Variants in COQ8A observed in about 807,000 individuals in gnomAD.
COQ8A encodes the protein atypical kinase COQ8A, mitochondrial.
A neutral mutation model predicts 65.0 loss-of-function variants in COQ8A; 51 were observed. The observed-to-expected ratio is 0.78, with a 90% CI of 0.63 to 0.99. The LOEUF is 0.99. COQ8A is among the 50% of genes least tolerant of loss of function. COQ8A has a pLI of 0.00. For missense variants in COQ8A, 940 were observed against 875.0 expected (o/e 1.07, Z -0.94); for synonymous variants, 371 against 353.2 (o/e 1.05, Z -0.57).
At position 226,986,538 on chromosome 1, in the gene COQ8A, GCAC is replaced by G. The variant is rs387906299; in HGVS notation, c.1750_1752del (p.Thr584del). The G allele has an allele frequency of 7.9e-5, 127 of 1,605,520 alleles. No individual in the cohort carries two copies. Among genetic ancestry groups the G allele is most frequent in the Non-Finnish European group, 3.2e-5 (38 of 1,176,768 alleles). On this transcript the variant is annotated inframe_deletion, in exon 15 of 15. Coordinates refer to ENST00000366777, the MANE Select transcript of COQ8A (RefSeq NM_020247.5). The stretch of plus-strand genomic sequence containing the variant: ...GAGCCTTTTGATTTTGGCACTCAGA[GCAC>G]CACCGAGAAGATCCACAACCTGATT...
intron 1 of COQ8A, among the ~76,000 whole-genome samples, chr1:226,944,929 C>CAGG (rs1230787696): frequency 2.0e-5 from 3 of 152,138 alleles, no homozygotes; most frequent in African/African-American, 7.2e-5. Context: ...TCCTGAGAGA[C>CAGG]AGAGAGGCTG....
intron 4 of COQ8A, among the ~76,000 whole-genome samples, chr1:226,969,457 C>T (rs1004474787): frequency 4.6e-5 from 7 of 152,172 alleles, no homozygotes; most frequent in African/African-American, 1.7e-4. Flanking sequence ...TGATAAGTCT[C>T]GATCTCCTGA....
At chr1:226,958,665 G>A (rs559240162) in intron 1 of COQ8A, among the ~76,000 whole-genome samples, 1 of 152,294 alleles carries the variant, frequency 6.6e-6, no homozygotes, top group East Asian at 1.9e-4. Flanking sequence ...CCTGGCTAGT[G>A]GACACTCCCA....
chr1:226,958,554 CAGGTT>C (rs1657950753), intron 1 of COQ8A, among the ~76,000 whole-genome samples: 6 of 152,188 alleles, frequency 3.9e-5, no homozygotes, highest in Admixed American at 3.9e-4. Flanking sequence ...TGGGCCAGGG[CAGGTT>C]CATCGGGGCC....
chr1:226,968,541 TCTC>T (rs567053805), intron 4 of COQ8A, among the ~76,000 whole-genome samples: 60 of 152,292 alleles, frequency 3.9e-4, no homozygotes, highest in African/African-American at 1.4e-3. Flanking sequence ...TGCGCTTTGT[TCTC>T]CTAGAAAATA....
rs144147839 is a variant in COQ8A at position 226,984,123 on chromosome 1, A to G, written c.1286A>G (p.Tyr429Cys). ...RDLLKGHPFF[Y>C]VPEIVDELCS... The stretch of plus-strand genomic sequence containing the variant: ...CTGCTGAAGGGCCACCCCTTCTTCT[A>G]TGTGCCTGAGATTGTGGATGAGCTC... The change falls in exon 11 of 15, where the codon TAT becomes TGT. Residue 429 changes from tyrosine to cysteine, a missense_variant. Tyr to Cys is a radical substitution (Grantham distance 194, BLOSUM62 -2). Coordinates refer to ENST00000366777, the MANE Select transcript of COQ8A (RefSeq NM_020247.5). 416 of 1,613,492 alleles carry G rather than the reference A, an allele frequency of 2.6e-4. 1 individual carries two copies. Among genetic ancestry groups the G allele is most frequent in the Middle Eastern group, 3.3e-4 (2 of 6,084 alleles).
At chr1:226,976,830 C>T (rs897145292) in intron 4 of COQ8A, among the ~76,000 whole-genome samples, 2 of 152,188 alleles carry the variant, frequency 1.3e-5, no homozygotes, top group Non-Finnish European at 2.9e-5. Flanking sequence ...TTTGCCAGCC[C>T]CGCAGAAAGG....
intron 1 of COQ8A, among the ~76,000 whole-genome samples, chr1:226,960,097 T>C (rs1172077526): frequency 6.9e-6 from 1 of 144,772 alleles, no homozygotes; most frequent in Non-Finnish European, 1.5e-5. Flanking sequence ...GTGGTGGTGA[T>C]GGTACTTGGT....
Position 226,965,218 on chromosome 1 carries a change from C to G in COQ8A, c.396C>G (p.Gly132=), listed in dbSNP as rs1658488457. ...SGPFREAGFP[G]QASSPLGRAN... Reference sequence around the variant, plus strand: ...CCTTTAGAGAAGCCGGGTTCCCCGGCCAGGCCTCCTCCCCTCTGGGCAGGG... The same window carrying G: ...CCTTTAGAGAAGCCGGGTTCCCCGGGCAGGCCTCCTCCCCTCTGGGCAGGG... The change falls in exon 3 of 15, where the codon GGC becomes GGG. Residue 132 remains glycine (G), a synonymous_variant. Coordinates refer to ENST00000366777, the MANE Select transcript of COQ8A (RefSeq NM_020247.5). 1.9e-6 allele frequency: 3 copies of G among 1,613,768 alleles called. No individual in the cohort carries two copies. The highest frequency in any genetic ancestry group is 1.7e-6 in the Non-Finnish European group (2 of 1,180,010).
At chr1:226,943,525 T>C (rs1346517121) in intron 1 of COQ8A, among the ~76,000 whole-genome samples, 1 of 152,288 alleles carries the variant, frequency 6.6e-6, no homozygotes, top group Middle Eastern at 3.4e-3. Flanking sequence ...ACTGAAGGCA[T>C]GGATTCAAAG....
chr1:226,940,999 G>C (rs1291286200), intron 1 of COQ8A, among the ~76,000 whole-genome samples: 2 of 152,120 alleles, frequency 1.3e-5, no homozygotes, highest in Non-Finnish European at 2.9e-5. Flanking sequence ...TCCAAACTCT[G>C]GGGGGTCTTG....
chr1:226,957,002 A>C (rs1329387513), intron 1 of COQ8A, among the ~76,000 whole-genome samples: 1 of 106,194 alleles, frequency 9.4e-6, no homozygotes, highest in Non-Finnish European at 1.9e-5. Flanking sequence ...TCCCTGGTTC[A>C]CACTCTCCCT....
At chr1:226,967,749 A>G (rs1030220558) in intron 4 of COQ8A, among the ~76,000 whole-genome samples, 20 of 152,116 alleles carry the variant, frequency 1.3e-4, no homozygotes, top group African/African-American at 3.4e-4. Context: ...TAGCATCAGA[A>G]GCCTCTGGAG....
rs1342702764 is a variant in COQ8A, at chr1:226,946,526, G to T, written c.-10+6127G>T. ...TGCTGGCCAGGCCAGACCAGGGAGAGTGGAGATCAGCAAGGAGATGGCCAC... is the reference window on the plus strand; with the variant it reads ...TGCTGGCCAGGCCAGACCAGGGAGATTGGAGATCAGCAAGGAGATGGCCAC... On this transcript the variant is annotated intron_variant, in intron 1 of 14. Transcript: ENST00000366777. This position sits in a 1 kb window ranked among gnomAD's most constrained non-coding sequence, Gnocchi z 5.3. Among the ~76,000 whole-genome samples, 3 of 152,166 alleles carry T rather than the reference G, an allele frequency of 2.0e-5. No individual in the cohort carries two copies. The highest frequency in any genetic ancestry group is 4.4e-5 in the Non-Finnish European group (3 of 68,014).
chr1:226,983,924 G>C, intron 10 of COQ8A, 70 bp downstream of exon 10: 1 of 1,569,336 alleles, frequency 6.4e-7, no homozygotes, highest in Non-Finnish European at 8.6e-7. Flanking sequence ...TCAGCAGCTG[G>C]TGAAGGCCCC....
intron 4 of COQ8A, among the ~76,000 whole-genome samples, chr1:226,966,512 G>C (rs1214529928): frequency 6.6e-6 from 1 of 152,202 alleles, no homozygotes; most frequent in Non-Finnish European, 1.5e-5. Context: ...ACACTCAGCT[G>C]TCCTCAGTAG....
rs532445312 is a variant in COQ8A, at chr1:226,986,767, C to A, written c.*30C>A. 5 of 1,604,124 alleles carry A rather than the reference C, an allele frequency of 3.1e-6. No individual in the cohort carries two copies. ...GCGGGCCACGCCCAGGCCGGCTCCG[C>A]GGGAACTCTCTCCCTCAGACAGGCC... On this transcript the variant is annotated 3_prime_UTR_variant, in exon 15 of 15. Coordinates refer to ENST00000366777, the MANE Select transcript of COQ8A (RefSeq NM_020247.5).
chr1:226,985,126 CTGGCCG>C, intron 13 of COQ8A, 122 bp from the exon 14 acceptor site: 1 of 1,269,090 alleles, frequency 7.9e-7, no homozygotes, highest in South Asian at 1.2e-5. Context: ...TGTCACAGCA[CTGGCCG>C]GGGGCCCTGT....
chr1:226,985,286 GA>G lies in COQ8A; in HGVS notation c.1606del (p.Thr536LeufsTer7). On this transcript the variant is annotated frameshift_variant, in exon 14 of 15. Transcript: ENST00000366777. LOFTEE classifies it high-confidence loss of function. ...IRAAADRDRE[T>X]VRAKSIEMKF... ...GGGCTGCTGCCGACAGGGACAGGGA[GA>G]CTGTGCGGGCGAAATCCATAGAGAT... 1 of 1,613,856 alleles carries G rather than the reference GA, an allele frequency of 6.2e-7. No homozygotes were observed.
Sources: allele counts gnomAD v4.1 joint callset (sites outside exome capture counted in the v4.1 genomes callset), GRCh38; gene constraint gnomAD v4.1.1; non-coding constraint Gnocchi (gnomAD v3.1); transcripts MANE v1.5; gene names NCBI Gene and HGNC (gene_info 2026-07-23, HGNC 2026-07-21).